Variants in NPY1R observed in about 807,000 individuals in gnomAD.
NPY1R encodes neuropeptide Y receptor Y1.
NPY1R carries 10 observed loss-of-function variants against 24.1 expected under a neutral mutation model. The ratio of observed to expected loss-of-function variants is 0.42; its 90% CI spans 0.26 to 0.71. NPY1R has a LOEUF of 0.71. Ranked by LOEUF, NPY1R falls within the 30% of genes least tolerant of loss-of-function variation. NPY1R has a pLI of 0.28. For synonymous variants in NPY1R, 168 were observed against 165.9 expected (o/e 1.01, Z -0.10); for missense variants, 350 against 458.0 (o/e 0.76, Z 2.15).
intron 1 of NPY1R, among the ~76,000 whole-genome samples, chr4:163,328,949 T>C (rs904984827): frequency 1.3e-5 from 2 of 152,206 alleles, no homozygotes; most frequent in African/African-American, 4.8e-5. Context: ...TTGACTGATA[T>C]AACTGATGCA....
In NPY1R at chr4:163,326,296, A is replaced by G. The variant is rs1734605501; in HGVS notation, c.259T>C (p.Leu87=). 1 of 1,614,204 alleles carries G rather than the reference A, an allele frequency of 6.2e-7. No individual in the cohort carries two copies. Among genetic ancestry groups the G allele is most frequent in the Non-Finnish European group, 8.5e-7 (1 of 1,179,994 alleles). ...GGGAGACACATGATGGCAACAAGCAAGTCTGAGAAGGAAAGGTTCACAATC... is the reference window on the plus strand; with the variant it reads ...GGGAGACACATGATGGCAACAAGCAGGTCTGAGAAGGAAAGGTTCACAATC... ...ILIVNLSFSD[L]LVAIMCLPFT... Residue 87 remains leucine (L), a synonymous_variant, in exon 2 of 3, where the codon TTG becomes CTG. Transcript: ENST00000296533.
At chr4:163,329,909 T>TA (rs968476067) in intron 1 of NPY1R, among the ~76,000 whole-genome samples, 1 of 152,116 alleles carries the variant, frequency 6.6e-6, no homozygotes, top group South Asian at 2.1e-4. Flanking sequence ...CTTTTTTTTT[T>TA]ATGGTCTGTG....
At chr4:163,332,983 G>C (rs1734766797), upstream of NPY1R, 1 of 152,102 alleles carries the variant, frequency 6.6e-6, no homozygotes. Context: ...AGGAATCAAA[G>C]GGCTCGCTGG....
At chr4:163,326,953 T>C (rs751885298) in intron 1 of NPY1R, among the ~76,000 whole-genome samples, 2 of 152,162 alleles carry the variant, frequency 1.3e-5, no homozygotes, top group Non-Finnish European at 2.9e-5. Flanking sequence ...TAGTAAGGAA[T>C]ATAAATATTA....
upstream of NPY1R, among the ~76,000 whole-genome samples, chr4:163,333,621 C>T (rs1358526523): frequency 2.0e-5 from 3 of 152,194 alleles, no homozygotes; most frequent in East Asian, 5.8e-4. Flanking sequence ...GAAAACAATT[C>T]TAATGGCAGT....
intron 1 of NPY1R, chr4:163,331,002 C>T (rs1734712944): frequency 6.6e-6 from 1 of 152,248 alleles, no homozygotes; most frequent in Non-Finnish European, 1.5e-5. Context: ...AGGGCTTGTT[C>T]AACAGACTGC....
intron 1 of NPY1R, among the ~76,000 whole-genome samples, chr4:163,331,499 T>TA (rs1226423948): frequency 6.6e-6 from 1 of 151,516 alleles, no homozygotes; most frequent in Non-Finnish European, 1.5e-5. Context: ...TACACACACA[T>TA]ACACACACTC....
upstream of NPY1R, among the ~76,000 whole-genome samples, chr4:163,333,561 T>C (rs1282699870): frequency 1.3e-5 from 2 of 152,190 alleles, no homozygotes; most frequent in African/African-American, 2.4e-5. Context: ...AAGAAGTCTT[T>C]CTAATAAAGA....
rs570235276 is a variant in NPY1R, at chr4:163,340,749, A to G, written c.-152+3556T>C. Among the ~76,000 whole-genome samples, 6 of 152,212 alleles carry G rather than the reference A, an allele frequency of 3.9e-5. No individual in the cohort carries two copies. The South Asian group carries it at 1.2e-3, about 32-fold the overall frequency. Reference sequence around the variant, plus strand: ...TTGAGATCAAGCCTGGCTACAACTCAGGTGTTCTGATAAGTGTCTATTATA... The same window carrying G: ...TTGAGATCAAGCCTGGCTACAACTCGGGTGTTCTGATAAGTGTCTATTATA... On this transcript the variant is annotated intron_variant, in intron 1 of 1. Transcript: ENST00000511901.
chr4:163,328,409 A>C (rs1190468711), intron 1 of NPY1R, among the ~76,000 whole-genome samples: 2 of 152,258 alleles, frequency 1.3e-5, no homozygotes, highest in African/African-American at 4.8e-5. Context: ...TATTTTAAGA[A>C]TTCAAGAAAA....
upstream of NPY1R, among the ~76,000 whole-genome samples, chr4:163,334,847 A>C (rs1178445352): frequency 6.7e-6 from 1 of 150,344 alleles, no homozygotes; most frequent in Non-Finnish European, 1.5e-5. Context: ...GCAACAGAGC[A>C]AGACTCTGTT....
intron 1 of NPY1R, among the ~76,000 whole-genome samples, chr4:163,340,717 C>T (rs1367685701): frequency 6.6e-6 from 1 of 151,916 alleles, no homozygotes; most frequent in African/African-American, 2.4e-5. Flanking sequence ...AAAGCCACAC[C>T]ATTAATTTGA....
upstream of NPY1R, among the ~76,000 whole-genome samples, chr4:163,337,772 A>C (rs1734877832): frequency 6.6e-6 from 1 of 152,218 alleles, no homozygotes; most frequent in Admixed American, 6.5e-5. Context: ...AGACCAAAAC[A>C]AAATTGCTCA....
chr4:163,341,035 A>G (rs2110819764), intron 1 of NPY1R, among the ~76,000 whole-genome samples: 1 of 152,116 alleles, frequency 6.6e-6, no homozygotes, highest in South Asian at 2.1e-4. Context: ...TGCCTGGGAA[A>G]TGGACTCAAT....
intron 1 of NPY1R, among the ~76,000 whole-genome samples, chr4:163,343,281 T>G (rs1320490519): frequency 1.3e-5 from 2 of 151,562 alleles, no homozygotes; most frequent in East Asian, 2.0e-4. Flanking sequence ...TTCACTCCCC[T>G]GCTCCTGCCA....
At position 163,338,227 on chromosome 4, in the gene NPY1R, G is replaced by A. The variant is rs191410859; in HGVS notation, c.-152+6078C>T. On this transcript the variant is annotated intron_variant, in intron 1 of 1. Transcript: ENST00000511901. Reference sequence around the variant, plus strand: ...TCCCCATACTGTTTGCTTCTTCACAGCAGGATAAGGCCCTTAGCCCAAAGC... The same window carrying A: ...TCCCCATACTGTTTGCTTCTTCACAACAGGATAAGGCCCTTAGCCCAAAGC... Among the ~76,000 whole-genome samples the A allele has an allele frequency of 1.2e-4, 18 of 152,194 alleles. No homozygotes were observed. The East Asian group carries it at 3.3e-3, about 28-fold the overall frequency.
Position 163,326,416 on chromosome 4 carries a change from A to T in NPY1R, c.139T>A (p.Tyr47Asn), listed in dbSNP as rs1427660111. 1 of 1,614,074 alleles carries T rather than the reference A, an allele frequency of 6.2e-7. No homozygotes were observed. Residue 47 changes from tyrosine to asparagine, a missense_variant, in exon 2 of 3, where the codon TAT becomes AAT. Tyr to Asn is a moderately radical substitution (Grantham distance 143, BLOSUM62 -2). Transcript: ENST00000296533. ...ACACCAAGAATGATCACAGCTCCAT[A>T]AGCAAGAGCTAAGGTAAATATCATG... ...LAMIFTLALA[Y>N]GAVIILGVSG... is the part of the protein sequence containing the mutation.
Position 163,325,938 on chromosome 4 carries a change from G to A in NPY1R, c.617C>T (p.Ser206Phe), listed in dbSNP as rs149471641. Reference sequence around the variant, plus strand: ...GAGAGTGGTATAAGACAACCTATGAGAGTCCGATGGAAATTGATCAAAGCA... The same window carrying A: ...GAGAGTGGTATAAGACAACCTATGAAAGTCCGATGGAAATTGATCAAAGCA... ...YVCFDQFPSD[S>F]HRLSYTTLLL... is the part of the protein sequence containing the mutation. The change falls in exon 2 of 3, where the codon TCT becomes TTT. Residue 206 changes from serine (S) to phenylalanine (F), a missense_variant. Transcript: ENST00000296533. 7 of 1,614,012 alleles carry A rather than the reference G, an allele frequency of 4.3e-6. No individual in the cohort carries two copies. The highest frequency in any genetic ancestry group is 3.3e-4 in the Middle Eastern group (2 of 6,062).
At chr4:163,342,396 A>C (rs1560863442) in intron 1 of NPY1R, among the ~76,000 whole-genome samples, 1 of 152,196 alleles carries the variant, frequency 6.6e-6, no homozygotes, top group Non-Finnish European at 1.5e-5. Flanking sequence ...TGTGTACTGC[A>C]TTAACCGCAG....
Sources: gnomAD v4.1 joint callset for allele counts (sites outside exome capture counted in the v4.1 genomes callset) on GRCh38, gnomAD v4.1.1 for gene constraint, MANE v1.5 for transcripts, NCBI Gene and HGNC (gene_info 2026-07-23, HGNC 2026-07-21) for gene names.